BCAS3: variants seen among roughly 807,000 people sequenced by gnomAD.
The protein encoded by BCAS3 is BCAS3 microtubule associated cell migration factor, also known as BCAS4/BCAS3 fusion.
Under a neutral mutation model 116.1 loss-of-function variants are expected in BCAS3, and 53 were observed. The ratio of observed to expected loss-of-function variants is 0.46; its 90% CI spans 0.37 to 0.57. The LOEUF (loss-of-function observed/expected upper bound fraction) is 0.57. Among genes scored for constraint, BCAS3 ranks in the 20% least tolerant of loss-of-function variants. The pLI, the probability that BCAS3 is intolerant of heterozygous loss-of-function variation, is 0.00. For synonymous variants in BCAS3, 391 were observed against 408.2 expected, an observed-to-expected ratio of 0.96 and a Z score of 0.51; for missense variants, 917 against 1,165.4, an observed-to-expected ratio of 0.79 and a Z score of 3.10.
intron 6 of BCAS3, among the ~76,000 whole-genome samples, chr17:60,784,821 C>T (rs1382217693): frequency 2.0e-5 from 3 of 151,992 alleles, no homozygotes; most frequent in Non-Finnish European, 4.4e-5. Context: ...CTAGGCCAGG[C>T]GCAGTGGCTC....
chr17:61,234,536 C>T (rs1440679153), intron 22 of BCAS3, among the ~76,000 whole-genome samples: 1 of 152,206 alleles, frequency 6.6e-6, no homozygotes, highest in East Asian at 1.9e-4. Context: ...AGACCTCCCT[C>T]CCAGGGAGAG....
intron 10 of BCAS3, among the ~76,000 whole-genome samples, chr17:60,894,121 AC>A (rs1208912991): frequency 6.6e-6 from 1 of 152,074 alleles, no homozygotes; most frequent in Admixed American, 6.6e-5. Flanking sequence ...TGTGGAAAAA[AC>A]ATTAATAATT....
chr17:60,726,477 G>A (rs2039870925), intron 5 of BCAS3, among the ~76,000 whole-genome samples: 1 of 150,640 alleles, frequency 6.6e-6, no homozygotes, highest in African/African-American at 2.5e-5. Flanking sequence ...TGGGATTATA[G>A]GCATGAGCCA....
At chr17:61,155,337 T>G (rs1381210258) in intron 22 of BCAS3, among the ~76,000 whole-genome samples, 2 of 152,168 alleles carry the variant, frequency 1.3e-5, no homozygotes, top group Non-Finnish European at 2.9e-5. Context: ...GCAATAAATA[T>G]GTCCTGAGGC....
intron 15 of BCAS3, among the ~76,000 whole-genome samples, chr17:60,998,663 C>T (rs984318173): frequency 6.6e-6 from 1 of 151,960 alleles, no homozygotes; most frequent in Non-Finnish European, 1.5e-5. Flanking sequence ...GTCTAAATGA[C>T]CCTTTTAATG....
chr17:61,123,824 C>G (rs991899561), intron 22 of BCAS3, among the ~76,000 whole-genome samples: 3 of 152,060 alleles, frequency 2.0e-5, no homozygotes, highest in Non-Finnish European at 4.4e-5. Context: ...TATATGCTGA[C>G]ATATTTAGTT....
At chr17:61,170,383 C>G (rs374073010) in intron 22 of BCAS3, among the ~76,000 whole-genome samples, 1 of 152,020 alleles carries the variant, frequency 6.6e-6, no homozygotes. Context: ...AGCTCCACCT[C>G]GAGGGTTCAC....
intron 15 of BCAS3, among the ~76,000 whole-genome samples, chr17:61,011,018 C>A (rs938668474): frequency 6.6e-6 from 1 of 151,908 alleles, no homozygotes; most frequent in African/African-American, 2.4e-5. Context: ...ACTTACAGGT[C>A]TCCTCTTAGC....
In BCAS3 at chr17:61,065,795, A is replaced by G. The variant is rs1029592072; in HGVS notation, c.2030-9125A>G. 6.6e-6 allele frequency among the ~76,000 whole-genome samples: 1 copy of G among 152,218 alleles called. No homozygotes were observed. The highest frequency in any genetic ancestry group is 2.1e-4 in the South Asian group (1 of 4,836). Reference sequence around the variant, plus strand: ...TAAAACTCAGCTGCCAGTAGGACCCAGTAAACTCACTTGTCCAGATAAGAG... The same window carrying G: ...TAAAACTCAGCTGCCAGTAGGACCCGGTAAACTCACTTGTCCAGATAAGAG... On this transcript the variant is annotated intron_variant, in intron 19 of 23. Transcript: ENST00000407086. The surrounding 1 kb of genome is among the most constrained non-coding windows in gnomAD (Gnocchi z 4.8).
At chr17:60,814,306 T>TGTGTGCGCGCGCGTGTGCGC (rs368289350) in intron 7 of BCAS3, among the ~76,000 whole-genome samples, 1 of 148,198 alleles carries the variant, frequency 6.7e-6, no homozygotes, top group Non-Finnish European at 1.5e-5. Flanking sequence ...TGTGTGTGTG[T>TGTGTGCGCGCGCGTGTGCGC]GCGCGCGTGC....
In BCAS3 at chr17:61,098,566, A is replaced by G. The variant is rs1465959439; in HGVS notation, c.2425+14002A>G. On this transcript the variant is annotated intron_variant, in intron 22 of 23. Transcript: ENST00000407086. The surrounding 1 kb of genome is among the most constrained non-coding windows in gnomAD (Gnocchi z 4.2). ...TTTGAAGTGAGGCTTGGCTTTAAAT[A>G]ATAACACATTTGAGTTTGAGCTTTT... 2.6e-5 allele frequency among the ~76,000 whole-genome samples: 4 copies of G among 152,204 alleles called. No homozygotes were observed. Among genetic ancestry groups the G allele is most frequent in the Non-Finnish European group, 5.9e-5 (4 of 68,038 alleles).
At chr17:60,999,881 C>T (rs77067556) in intron 15 of BCAS3, among the ~76,000 whole-genome samples, 7,857 of 152,070 alleles carry the variant, frequency 0.052, 731 homozygotes, top group African/African-American at 0.18. Flanking sequence ...CTTGCTTAGA[C>T]GTATTTCTAG....
intron 7 of BCAS3, among the ~76,000 whole-genome samples, chr17:60,808,699 A>C (rs1180889132): frequency 6.6e-6 from 1 of 152,218 alleles, no homozygotes; most frequent in Non-Finnish European, 1.5e-5. Flanking sequence ...GGTGTAGGAT[A>C]AGGATACAAA....
intron 4 of BCAS3, among the ~76,000 whole-genome samples, chr17:60,697,496 T>C (rs1352465401): frequency 6.6e-6 from 1 of 151,184 alleles, no homozygotes; most frequent in Non-Finnish European, 1.5e-5. Flanking sequence ...GGCAAGAGAA[T>C]TGCTTGAAGC....
chr17:60,955,817 T>G (rs1319439677), intron 14 of BCAS3, among the ~76,000 whole-genome samples: 4 of 152,224 alleles, frequency 2.6e-5, no homozygotes, highest in Non-Finnish European at 4.4e-5. Flanking sequence ...CTCAATTTTT[T>G]ATCTGATGTT....
intron 4 of BCAS3, among the ~76,000 whole-genome samples, chr17:60,694,010 C>T (rs375939882): frequency 1.6e-4 from 24 of 149,676 alleles, no homozygotes; most frequent in South Asian, 1.1e-3. Context: ...CTCAGCCTCT[C>T]GAGTAGCTGG....
At chr17:60,950,296 C>A (rs2060764014) in intron 14 of BCAS3, among the ~76,000 whole-genome samples, 1 of 151,938 alleles carries the variant, frequency 6.6e-6, no homozygotes, top group Non-Finnish European at 1.5e-5. Context: ...TGACAGAAGA[C>A]AATAGAGGGA....
In BCAS3 at chr17:61,327,635, G is replaced by A. The variant is rs538572447; in HGVS notation, c.2426-40692G>A. ...AGACATTCTCCTGCCTCAGCCTCCC[G>A]AGTAGCTGGGATTACAGGCATGTAC... On this transcript the variant is annotated intron_variant, in intron 22 of 23. Coordinates refer to ENST00000407086, the MANE Select transcript of BCAS3 (RefSeq NM_017679.5). This position sits in a 1 kb window ranked among gnomAD's most constrained non-coding sequence, Gnocchi z 5.9. Among the ~76,000 whole-genome samples the A allele has an allele frequency of 8.6e-5, 13 of 151,990 alleles. No homozygotes were observed. The highest frequency in any genetic ancestry group is 2.7e-4 in the African/African-American group (11 of 41,432).
chr17:60,837,538 A>G (rs2051468030), intron 7 of BCAS3, among the ~76,000 whole-genome samples: 1 of 152,248 alleles, frequency 6.6e-6, no homozygotes, highest in South Asian at 2.1e-4. Flanking sequence ...AAATTTGTTA[A>G]CTTACATGAA....
Sources: gnomAD v4.1 joint callset for allele counts (sites outside exome capture counted in the v4.1 genomes callset) on GRCh38, gnomAD v4.1.1 for gene constraint, Gnocchi (gnomAD v3.1) non-coding constraint, MANE v1.5 for transcripts, NCBI Gene and HGNC (gene_info 2026-07-23, HGNC 2026-07-21) for gene names.